The following GABRG3 variants were observed in gnomAD, a reference collection of about 807,000 sequenced individuals.
The protein encoded by GABRG3 is gamma-aminobutyric acid receptor subunit gamma-3.
In GABRG3, 25 loss-of-function variants were observed where a neutral mutation model predicts 48.8. The ratio of observed to expected loss-of-function variants is 0.51; its 90% confidence interval spans 0.37 to 0.72. The LOEUF is 0.72. Ranked by LOEUF, GABRG3 falls within the 30% of genes least tolerant of loss-of-function variation. The probability of loss-of-function intolerance (pLI) is 0.00; values close to 1 mark genes in which losing one functional copy is unlikely to be tolerated. For missense variants in GABRG3, 394 were observed against 577.9 expected (o/e 0.68, Z 3.26); for synonymous variants, 227 against 217.6 (o/e 1.04, Z -0.38).
intron 5 of GABRG3, among the ~76,000 whole-genome samples, chr15:27,349,642 TCTC>T (rs1187379403): frequency 6.6e-6 from 1 of 152,194 alleles, no homozygotes; most frequent in Non-Finnish European, 1.5e-5. Context: ...TCTGTCTCCT[TCTC>T]CTTGCAAACC....
At chr15:26,981,944 T>C (rs2140638875) in intron 2 of GABRG3, among the ~76,000 whole-genome samples, 1 of 152,324 alleles carries the variant, frequency 6.6e-6, no homozygotes, top group African/African-American at 2.4e-5. Context: ...TGAAGATGCG[T>C]GTCTAGTGCA....
At chr15:27,186,015 C>CTT (rs10580180) in intron 3 of GABRG3, among the ~76,000 whole-genome samples, 1 of 131,302 alleles carries the variant, frequency 7.6e-6, no homozygotes, top group African/African-American at 2.8e-5. Context: ...GTATTTAAAT[C>CTT]TTTTTTTTTT....
At chr15:27,131,112 C>T (rs992466033) in intron 3 of GABRG3, among the ~76,000 whole-genome samples, 4 of 151,932 alleles carry the variant, frequency 2.6e-5, no homozygotes, top group African/African-American at 7.3e-5. Flanking sequence ...TTGTCCTGTC[C>T]GTGATTTTAG....
intron 3 of GABRG3, among the ~76,000 whole-genome samples, chr15:27,031,540 T>C (rs1896087276): frequency 6.6e-6 from 1 of 152,210 alleles, no homozygotes; most frequent in Non-Finnish European, 1.5e-5. Flanking sequence ...GACCATGTGT[T>C]ACCAGAAATT....
At chr15:27,245,061 C>G (rs1595609119) in intron 3 of GABRG3, among the ~76,000 whole-genome samples, 1 of 152,000 alleles carries the variant, frequency 6.6e-6, no homozygotes, top group South Asian at 2.1e-4. Flanking sequence ...AGTGCTGGAC[C>G]CTCCTCCTTA....
intron 3 of GABRG3, among the ~76,000 whole-genome samples, chr15:27,132,123 T>G (rs1430292429): frequency 2.6e-5 from 4 of 152,172 alleles, no homozygotes; most frequent in African/African-American, 9.6e-5. Flanking sequence ...TTGTACAGAA[T>G]CTTTTTAGTT....
intron 3 of GABRG3, among the ~76,000 whole-genome samples, chr15:27,209,495 C>G (rs1889000523): frequency 6.6e-6 from 1 of 152,042 alleles, no homozygotes; most frequent in Admixed American, 6.5e-5. Context: ...TTGGTCTACG[C>G]AAGCAATGTA....
chr15:27,521,385 T>C (rs1891156426), intron 7 of GABRG3, among the ~76,000 whole-genome samples: 3 of 152,102 alleles, frequency 2.0e-5, no homozygotes, highest in African/African-American at 7.2e-5. Context: ...AGGAGAACCA[T>C]CAGTAAATTA....
At chr15:27,468,082 A>C (rs1889671597) in intron 5 of GABRG3, among the ~76,000 whole-genome samples, 1 of 152,210 alleles carries the variant, frequency 6.6e-6, no homozygotes, top group African/African-American at 2.4e-5. Flanking sequence ...TACTGATACC[A>C]GCGGGTCAGG....
intron 3 of GABRG3, among the ~76,000 whole-genome samples, chr15:27,140,965 A>G (rs1165655635): frequency 6.6e-6 from 1 of 151,822 alleles, no homozygotes; most frequent in Non-Finnish European, 1.5e-5. Flanking sequence ...CGTCCTTCAT[A>G]TTTTCTCGCG....
intron 5 of GABRG3, among the ~76,000 whole-genome samples, chr15:27,459,282 G>A (rs1228497230): frequency 6.6e-6 from 1 of 152,210 alleles, no homozygotes; most frequent in Non-Finnish European, 1.5e-5. Flanking sequence ...GAGCATCAAG[G>A]TGAGCACACA....
intron 3 of GABRG3, among the ~76,000 whole-genome samples, chr15:27,099,009 G>A (rs61998103): frequency 0.25 from 38,547 of 151,924 alleles, 5,077 homozygotes; most frequent in Middle Eastern, 0.34. Context: ...CCAAAGTGCC[G>A]AGGATATGAT....
chr15:27,374,943 G>A (rs955084690), intron 5 of GABRG3, among the ~76,000 whole-genome samples: 1 of 152,064 alleles, frequency 6.6e-6, no homozygotes, highest in Non-Finnish European at 1.5e-5. Flanking sequence ...GTGCCCTGGG[G>A]ACAATCACAG....
At chr15:27,227,312 G>A (rs1049889679) in intron 3 of GABRG3, among the ~76,000 whole-genome samples, 4 of 152,070 alleles carry the variant, frequency 2.6e-5, no homozygotes, top group Admixed American at 1.3e-4. Flanking sequence ...ACAACATGGC[G>A]AAACCCTGTC....
At chr15:27,103,293 G>A (rs1344558639) in intron 3 of GABRG3, among the ~76,000 whole-genome samples, 1 of 152,156 alleles carries the variant, frequency 6.6e-6, no homozygotes, top group African/African-American at 2.4e-5. Flanking sequence ...TGTTAGTAAT[G>A]TTTAAAAGTT....
intron 6 of GABRG3, among the ~76,000 whole-genome samples, chr15:27,510,823 G>T (rs1890878813): frequency 6.6e-6 from 1 of 152,144 alleles, no homozygotes; most frequent in African/African-American, 2.4e-5. Flanking sequence ...CGGTTAAACA[G>T]GATTACGGGC....
At chr15:27,212,326 G>A (rs1255364235) in intron 3 of GABRG3, among the ~76,000 whole-genome samples, 1 of 152,168 alleles carries the variant, frequency 6.6e-6, no homozygotes, top group Non-Finnish European at 1.5e-5. Context: ...TGATCAAGTA[G>A]CTGATATTTG....
chr15:27,160,418 C>T (rs1887134443), intron 3 of GABRG3, among the ~76,000 whole-genome samples: 1 of 152,148 alleles, frequency 6.6e-6, no homozygotes. Flanking sequence ...ATGGACTAGG[C>T]AAGTCTTAAC....
At chr15:27,089,342 G>T (rs1046327007) in intron 3 of GABRG3, among the ~76,000 whole-genome samples, 3 of 152,144 alleles carry the variant, frequency 2.0e-5, no homozygotes, top group Non-Finnish European at 2.9e-5. Flanking sequence ...CAGTCCCCAT[G>T]GTATAGACAC....
Sources: allele counts gnomAD v4.1 joint callset (sites outside exome capture counted in the v4.1 genomes callset), GRCh38; gene constraint gnomAD v4.1.1; transcripts MANE v1.5; gene names NCBI Gene and HGNC (gene_info 2026-07-23, HGNC 2026-07-21).